FGGY: variants seen among roughly 807,000 people sequenced by gnomAD.
FGGY encodes the protein FGGY carbohydrate kinase domain-containing protein.
Under a neutral mutation model 71.3 loss-of-function variants are expected in FGGY, and 72 were observed. That is an observed-to-expected ratio of 1.01 (90% confidence interval 0.84 to 1.23). FGGY has a LOEUF of 1.23. FGGY is among the 50% of genes most tolerant of loss of function. The probability of loss-of-function intolerance (pLI) is 0.00; values close to 1 mark genes in which losing one functional copy is unlikely to be tolerated. For synonymous variants in FGGY, 251 were observed against 250.3 expected (o/e 1.00, Z -0.02); for missense variants, 668 against 682.3 (o/e 0.98, Z 0.23).
intron 5 of FGGY, among the ~76,000 whole-genome samples, chr1:59,410,966 C>T (rs1256815869): frequency 6.6e-6 from 1 of 151,946 alleles, no homozygotes; most frequent in Non-Finnish European, 1.5e-5. Context: ...TTCTTTCTTT[C>T]TCTCCTACCA....
At chr1:59,314,150 A>G (rs2153103820) in intron 1 of FGGY, among the ~76,000 whole-genome samples, 1 of 152,260 alleles carries the variant, frequency 6.6e-6, no homozygotes, top group East Asian at 1.9e-4. Context: ...TATTTTTAGT[A>G]GAGACGGGGT....
intron 5 of FGGY, among the ~76,000 whole-genome samples, chr1:59,450,604 T>C (rs2072478202): frequency 6.6e-6 from 1 of 152,136 alleles, no homozygotes; most frequent in Non-Finnish European, 1.5e-5. Flanking sequence ...ATTATTACTC[T>C]TATAGTTTAC....
chr1:59,368,200 G>A (rs764539459), intron 4 of FGGY, among the ~76,000 whole-genome samples: 26 of 152,128 alleles, frequency 1.7e-4, no homozygotes, highest in Admixed American at 1.2e-3. Flanking sequence ...TCTCTAATCC[G>A]TGCAACATTG....
chr1:59,480,684 A>G (rs2093436720), intron 6 of FGGY, among the ~76,000 whole-genome samples: 1 of 152,164 alleles, frequency 6.6e-6, no homozygotes, highest in South Asian at 2.1e-4. Context: ...TGAAGAGTTG[A>G]GTGAAGGAGA....
intron 2 of FGGY, among the ~76,000 whole-genome samples, chr1:59,334,131 C>T (rs1039745102): frequency 5.3e-5 from 8 of 152,104 alleles, no homozygotes; most frequent in East Asian, 1.9e-4. Flanking sequence ...CGCCAATCAT[C>T]CACTTCTTTT....
At chr1:59,349,001 C>A in intron 4 of FGGY, among the ~76,000 whole-genome samples, 1 of 152,146 alleles carries the variant, frequency 6.6e-6, no homozygotes, top group East Asian at 1.9e-4. Context: ...CGGGTATATA[C>A]TGAAACACAA....
At chr1:59,299,631 C>A (rs546690966) in intron 1 of FGGY, among the ~76,000 whole-genome samples, 9 of 125,788 alleles carry the variant, frequency 7.2e-5, no homozygotes, top group Middle Eastern at 0.01. Flanking sequence ...TCAGCAAGGC[C>A]ATTTACTTCT....
At chr1:59,354,911 G>A (rs1052953569) in intron 4 of FGGY, among the ~76,000 whole-genome samples, 3 of 152,238 alleles carry the variant, frequency 2.0e-5, no homozygotes, top group African/African-American at 7.2e-5. Flanking sequence ...TAGGAAGGAG[G>A]AGCAACAGAT....
chr1:59,570,319 A>G (rs971334432), intron 8 of FGGY, among the ~76,000 whole-genome samples: 1 of 152,238 alleles, frequency 6.6e-6, no homozygotes, highest in African/African-American at 2.4e-5. Flanking sequence ...GTACATAGAC[A>G]GTACTCTAAA....
chr1:59,534,899 G>A (rs939825680), intron 7 of FGGY, among the ~76,000 whole-genome samples: 5 of 151,886 alleles, frequency 3.3e-5, no homozygotes, highest in East Asian at 1.9e-4. Flanking sequence ...AAAGACCATC[G>A]AGACTAGGAA....
chr1:59,656,513 A>G (rs189231257), intron 11 of FGGY, among the ~76,000 whole-genome samples: 5 of 152,352 alleles, frequency 3.3e-5, no homozygotes, highest in Admixed American at 3.3e-4. Context: ...TATTTGAGAG[A>G]AAATTAAATG....
At chr1:59,637,350 A>C (rs999365240) in intron 10 of FGGY, among the ~76,000 whole-genome samples, 1 of 152,106 alleles carries the variant, frequency 6.6e-6, no homozygotes, top group African/African-American at 2.4e-5. Flanking sequence ...AGGAGAAAAA[A>C]AACCAGGCGA....
intron 5 of FGGY, among the ~76,000 whole-genome samples, chr1:59,406,117 T>A (rs935139604): frequency 2.0e-5 from 3 of 151,780 alleles, no homozygotes; most frequent in African/African-American, 7.3e-5. Context: ...GACAGTTGAT[T>A]CTTCATTATT....
At chr1:59,443,879 G>A (rs1324776290) in intron 5 of FGGY, among the ~76,000 whole-genome samples, 1 of 152,184 alleles carries the variant, frequency 6.6e-6, no homozygotes, top group East Asian at 1.9e-4. Context: ...CCTTGCAGAG[G>A]AAGCTGGCAC....
chr1:59,587,519 C>A (rs1338596305), intron 8 of FGGY, among the ~76,000 whole-genome samples: 1 of 152,158 alleles, frequency 6.6e-6, no homozygotes, highest in African/African-American at 2.4e-5. Context: ...CCCCTGACCC[C>A]CAAGCAGCCT....
intron 7 of FGGY, among the ~76,000 whole-genome samples, chr1:59,513,347 T>G (rs2094561535): frequency 6.6e-6 from 1 of 152,232 alleles, no homozygotes; most frequent in African/African-American, 2.4e-5. Flanking sequence ...TGTGGAGCTG[T>G]GTTTCCATTC....
At chr1:59,621,614 T>G (rs908990103) in intron 9 of FGGY, among the ~76,000 whole-genome samples, 18 of 150,908 alleles carry the variant, frequency 1.2e-4, no homozygotes, top group East Asian at 3.9e-4. Flanking sequence ...GATTTACAGG[T>G]TTTTTTTTCC....
chr1:59,396,219 C>A (rs1467393705), intron 5 of FGGY, among the ~76,000 whole-genome samples: 1 of 152,102 alleles, frequency 6.6e-6, no homozygotes, highest in African/African-American at 2.4e-5. Context: ...GAATTTTACC[C>A]CTGATTTTTG....
At chr1:59,614,619 A>G (rs2096729911) in intron 9 of FGGY, among the ~76,000 whole-genome samples, 1 of 152,320 alleles carries the variant, frequency 6.6e-6, no homozygotes, top group East Asian at 1.9e-4. Flanking sequence ...CACCACTGCT[A>G]TTCAACATAG....
Sources: gnomAD v4.1 joint callset for allele counts (sites outside exome capture counted in the v4.1 genomes callset) on GRCh38, gnomAD v4.1.1 for gene constraint, MANE v1.5 for transcripts, NCBI Gene and HGNC (gene_info 2026-07-23, HGNC 2026-07-21) for gene names.